GLI3: variants seen among roughly 807,000 people sequenced by gnomAD.
GLI3 encodes GLI family zinc finger 3.
In GLI3, 20 loss-of-function variants were observed where a neutral mutation model predicts 100.8. The observed-to-expected ratio is 0.20, with a 90% CI of 0.14 to 0.29. GLI3 has a LOEUF of 0.29. Among genes scored for constraint, GLI3 ranks in the 10% least tolerant of loss-of-function variants. The pLI, the probability that GLI3 is intolerant of heterozygous loss-of-function variation, is 1.00. For synonymous variants in GLI3, 938 were observed against 860.5 expected, an observed-to-expected ratio of 1.09 and a Z score of -1.58; for missense variants, 2,040 against 2,128.5, an observed-to-expected ratio of 0.96 and a Z score of 0.82.
At chr7:42,191,355 A>T (rs574775901) in intron 2 of GLI3, among the ~76,000 whole-genome samples, 1 of 152,306 alleles carries the variant, frequency 6.6e-6, no homozygotes, top group South Asian at 2.1e-4. Flanking sequence ...CTCGCCTATA[A>T]TCCCAGGCAA....
upstream of GLI3, among the ~76,000 whole-genome samples, chr7:42,242,488 A>G (rs1473152132): frequency 2.6e-5 from 4 of 152,224 alleles, no homozygotes; most frequent in Non-Finnish European, 5.9e-5. Flanking sequence ...TAGCTCCGAC[A>G]TTCCCCACTA....
intron 2 of GLI3, among the ~76,000 whole-genome samples, chr7:42,181,303 C>T (rs530533222): frequency 6.6e-6 from 1 of 152,140 alleles, no homozygotes; most frequent in Non-Finnish European, 1.5e-5. Context: ...AAATTTCAGC[C>T]TATGCAGAAT....
chr7:41,979,486 G>A (rs1275137634), intron 10 of GLI3, among the ~76,000 whole-genome samples: 1 of 152,158 alleles, frequency 6.6e-6, no homozygotes, highest in Non-Finnish European at 1.5e-5. Context: ...TTAACATAAA[G>A]ATGAAGTTCT....
intron 2 of GLI3, among the ~76,000 whole-genome samples, chr7:42,177,634 G>T (rs1787506997): frequency 6.6e-6 from 1 of 152,162 alleles, no homozygotes; most frequent in African/African-American, 2.4e-5. Flanking sequence ...ATGGAAGGAA[G>T]ATCATCAGTA....
intron 2 of GLI3, among the ~76,000 whole-genome samples, chr7:42,190,628 G>A (rs1787809012): frequency 6.6e-6 from 1 of 152,134 alleles, no homozygotes; most frequent in Non-Finnish European, 1.5e-5. Context: ...ATGGTTTCAT[G>A]TTGTGAAAAC....
chr7:42,223,031 A>C, intron 2 of GLI3, 99 bp downstream of exon 2: 1 of 1,444,502 alleles, frequency 6.9e-7, no homozygotes. Context: ...GTCTCCTAGA[A>C]CAAACACTGG....
At chr7:42,022,904 C>A (rs1439978023) in intron 10 of GLI3, among the ~76,000 whole-genome samples, 1 of 152,154 alleles carries the variant, frequency 6.6e-6, no homozygotes, top group Non-Finnish European at 1.5e-5. Context: ...TCCAAAACAT[C>A]CATCACTAAA....
intron 3 of GLI3, among the ~76,000 whole-genome samples, chr7:42,120,310 G>C (rs567062801): frequency 1.3e-5 from 2 of 152,290 alleles, no homozygotes; most frequent in African/African-American, 4.8e-5. Flanking sequence ...CTAAGGCCGG[G>C]AGTGAAGGTT....
chr7:42,025,272 C>A lies in GLI3; in HGVS notation c.1348G>T (p.Gly450Trp), dbSNP rs747097723. 4 of 1,611,928 alleles carry A rather than the reference C, an allele frequency of 2.5e-6. No individual in the cohort carries two copies. Among genetic ancestry groups the A allele is most frequent in the Non-Finnish European group, 3.4e-6 (4 of 1,178,102 alleles). Residue 450 changes from glycine (G) to tryptophan (W), a missense_variant, in exon 9 of 15, where the codon GGG (glycine) becomes TGG (tryptophan). Physicochemically the swap from Gly to Trp is radical, Grantham distance 184. Transcript: ENST00000395925. ...CGGCCTCGGTGTCCTACCTGCTGCC[C>A]CCGAGCCCCTGGGCTGGGGAGGTCT... ...DEDLPSPGAR[G>W]QQEQPEGTTL... is the part of the protein sequence containing the mutation.
At chr7:42,039,090 A>C (rs1238677977) in intron 7 of GLI3, among the ~76,000 whole-genome samples, 4 of 152,238 alleles carry the variant, frequency 2.6e-5, no homozygotes, top group African/African-American at 9.6e-5. Flanking sequence ...TTATTGGCAA[A>C]AAATTTAGGG....
chr7:42,050,497 C>T lies in GLI3; in HGVS notation c.474-1801G>A, dbSNP rs553959586. 2.0e-5 allele frequency among the ~76,000 whole-genome samples: 3 copies of T among 152,294 alleles called. No individual in the cohort carries two copies. The East Asian group carries it at 5.8e-4, about 29-fold the overall frequency. ...GTCCGCCATTGGTTAAATCTTACAC[C>T]GTATTTAGATGTGTTTGCTACCTTA... On this transcript the variant is annotated intron_variant, in intron 4 of 14. Transcript: ENST00000395925.
intron 3 of GLI3, among the ~76,000 whole-genome samples, chr7:42,116,257 T>C (rs1330869314): frequency 6.6e-6 from 1 of 152,158 alleles, no homozygotes; most frequent in Non-Finnish European, 1.5e-5. Context: ...TAAAAACCTC[T>C]GCGTTTTGAA....
At chr7:42,099,622 C>T (rs1343294888) in intron 3 of GLI3, among the ~76,000 whole-genome samples, 5 of 152,188 alleles carry the variant, frequency 3.3e-5, no homozygotes, top group African/African-American at 7.2e-5. Flanking sequence ...CAGCTCACTG[C>T]AGCTGCGACC....
intron 2 of GLI3, among the ~76,000 whole-genome samples, chr7:42,206,571 C>T (rs2128695275): frequency 6.6e-6 from 1 of 152,112 alleles, no homozygotes; most frequent in East Asian, 1.9e-4. Flanking sequence ...CATATGAATT[C>T]AATAAGTAAC....
upstream of GLI3, chr7:42,238,003 G>GCCGCCA: frequency 7.1e-6 from 1 of 140,778 alleles, no homozygotes; most frequent in Non-Finnish European, 1.4e-5. Flanking sequence ...CGCCGCCGCC[G>GCCGCCA]CCTCCTCCTC....
chr7:42,092,033 G>A (rs1000942516), intron 3 of GLI3, among the ~76,000 whole-genome samples: 2 of 152,186 alleles, frequency 1.3e-5, no homozygotes, highest in Non-Finnish European at 2.9e-5. Flanking sequence ...GGCCAGTGGC[G>A]GCCCAGGCAA....
chr7:42,018,006 G>C (rs1007858495), intron 10 of GLI3, among the ~76,000 whole-genome samples: 9 of 152,200 alleles, frequency 5.9e-5, no homozygotes, highest in Non-Finnish European at 1.3e-4. Flanking sequence ...ATGGTTCTAA[G>C]GAGGTCATCC....
rs1554341697 is a variant in GLI3, at chr7:42,223,225, G to T, written c.29C>A (p.Thr10Asn). 6.2e-7 allele frequency: 1 copy of T among 1,613,464 alleles called. No individual in the cohort carries two copies. Among genetic ancestry groups the T allele is most frequent in the Admixed American group, 1.7e-5 (1 of 59,992 alleles). The stretch of plus-strand genomic sequence containing the variant: ...ATTCTCAACTTTTTTCTTTTCAGTG[G>T]TCGTGGAGCTGTGGGACTGGGCCTC... MEAQSHSSTTTEKKKVENSI... is the reference protein window; with the variant it reads MEAQSHSSTNTEKKKVENSI... Residue 10 changes from threonine (T) to asparagine (N), a missense_variant, in exon 2 of 15, where the codon ACC (threonine) becomes AAC (asparagine). Physicochemically the swap from Thr to Asn is moderately conservative, Grantham distance 65. This residue lies in a region of GLI3 where 603 missense variants were observed against 690.9 expected (regional missense o/e 0.87). Transcript: ENST00000395925.
intron 1 of GLI3, among the ~76,000 whole-genome samples, chr7:42,254,367 A>G (rs1304137739): frequency 6.6e-6 from 1 of 152,194 alleles, no homozygotes; most frequent in Non-Finnish European, 1.5e-5. Flanking sequence ...GGCCAAAAAT[A>G]TAGAAGAAAA....
Sources: allele counts gnomAD v4.1 joint callset (sites outside exome capture counted in the v4.1 genomes callset), GRCh38; gene constraint gnomAD v4.1.1; regional missense constraint gnomAD v4.1.1; transcripts MANE v1.5; gene names NCBI Gene and HGNC (gene_info 2026-07-23, HGNC 2026-07-21).